MAGI2: variants seen among roughly 807,000 people sequenced by gnomAD.
MAGI2 encodes the protein membrane-associated guanylate kinase, WW and PDZ domain-containing protein 2.
A neutral mutation model predicts 133.3 loss-of-function variants in MAGI2; 35 were observed. The observed-to-expected ratio is 0.26, with a 90% CI of 0.20 to 0.35. The LOEUF (loss-of-function observed/expected upper bound fraction) is 0.35, where lower values mean the gene tolerates loss of function less well. Among genes scored for constraint, MAGI2 ranks in the 10% least tolerant of loss-of-function variants. The pLI, the probability that MAGI2 is intolerant of heterozygous loss-of-function variation, is 1.00. For synonymous variants in MAGI2, 729 were observed against 710.6 expected (o/e 1.03, Z -0.41); for missense variants, 1,636 against 1,863.4 (o/e 0.88, Z 2.25).
intron 2 of MAGI2, among the ~76,000 whole-genome samples, chr7:78,680,908 C>A (rs1277763245): frequency 6.6e-6 from 1 of 152,028 alleles, no homozygotes; most frequent in African/African-American, 2.4e-5. Flanking sequence ...GAGGCTCATG[C>A]TTAGAGGGTG....
intron 2 of MAGI2, among the ~76,000 whole-genome samples, chr7:78,844,835 A>C (rs988219099): frequency 1.2e-4 from 14 of 113,926 alleles, no homozygotes; most frequent in African/African-American, 3.4e-4. Flanking sequence ...AAAAATAAAC[A>C]AAAAAAATCC....
intron 2 of MAGI2, among the ~76,000 whole-genome samples, chr7:78,663,954 T>C (rs1461524386): frequency 6.6e-6 from 1 of 152,194 alleles, no homozygotes; most frequent in Admixed American, 6.5e-5. Flanking sequence ...CATTGCAACA[T>C]TTTTTTGACA....
chr7:78,395,456 C>T (rs1432040395), intron 6 of MAGI2, among the ~76,000 whole-genome samples: 1 of 152,170 alleles, frequency 6.6e-6, no homozygotes, highest in East Asian at 1.9e-4. Context: ...CCTTTGTCTT[C>T]ATCATCCAGC....
At chr7:78,898,003 A>G (rs1797340066) in intron 2 of MAGI2, among the ~76,000 whole-genome samples, 1 of 152,190 alleles carries the variant, frequency 6.6e-6, no homozygotes, top group African/African-American at 2.4e-5. Flanking sequence ...AAAAATAACA[A>G]AGAACCCTAT....
At chr7:78,246,898 G>T (rs1410597804) in intron 10 of MAGI2, among the ~76,000 whole-genome samples, 1 of 152,168 alleles carries the variant, frequency 6.6e-6, no homozygotes, top group Non-Finnish European at 1.5e-5. Context: ...CTGGCCCCCT[G>T]GGCCTAAGCT....
chr7:78,256,454 CAAA>C lies in MAGI2; in HGVS notation c.1533_1535del (p.Leu512del). 6.2e-7 allele frequency: 1 copy of C among 1,613,808 alleles called. No homozygotes were observed. The highest frequency in any genetic ancestry group is 8.5e-7 in the Non-Finnish European group (1 of 1,179,940). On this transcript the variant is annotated inframe_deletion, in exon 10 of 22. Coordinates refer to ENST00000354212, the MANE Select transcript of MAGI2 (RefSeq NM_012301.4). ...TAGCAGGGTCTTCAGGATCAAAGGG[CAAA>C]GGGTAGCCACGACACAACACCAGGT...
intron 2 of MAGI2, among the ~76,000 whole-genome samples, chr7:78,840,318 C>T (rs1330154141): frequency 6.6e-6 from 1 of 152,046 alleles, no homozygotes; most frequent in Non-Finnish European, 1.5e-5. Flanking sequence ...CAAAGGAATA[C>T]TCATACAATA....
chr7:79,348,288 A>G (rs1357249297), intron 1 of MAGI2, among the ~76,000 whole-genome samples: 1 of 151,942 alleles, frequency 6.6e-6, no homozygotes, highest in Non-Finnish European at 1.5e-5. Flanking sequence ...AAAGAAAATT[A>G]CAGTGGTATT....
chr7:79,015,226 A>G (rs1054814016), intron 1 of MAGI2, among the ~76,000 whole-genome samples: 3 of 152,118 alleles, frequency 2.0e-5, no homozygotes, highest in Non-Finnish European at 2.9e-5. Flanking sequence ...AGGCTGAGGC[A>G]GGAGGATCAC....
chr7:79,180,076 CAA>C (rs1436833594), intron 1 of MAGI2, among the ~76,000 whole-genome samples: 4 of 151,884 alleles, frequency 2.6e-5, no homozygotes, highest in African/African-American at 9.7e-5. Flanking sequence ...AGATGAAAGA[CAA>C]ATAGCCCCAT....
At chr7:78,447,465 G>A (rs1261392166) in intron 6 of MAGI2, among the ~76,000 whole-genome samples, 1 of 151,954 alleles carries the variant, frequency 6.6e-6, no homozygotes, top group Non-Finnish European at 1.5e-5. Context: ...AATTATCTGG[G>A]ATAATGTCTA....
At chr7:78,117,371 AACC>A (rs1819974288) in intron 20 of MAGI2, among the ~76,000 whole-genome samples, 1 of 152,206 alleles carries the variant, frequency 6.6e-6, no homozygotes, top group African/African-American at 2.4e-5. Flanking sequence ...AGAGTAATTG[AACC>A]ATAAAAATCC....
At chr7:78,244,565 T>C (rs1220266684) in intron 10 of MAGI2, among the ~76,000 whole-genome samples, 1 of 152,228 alleles carries the variant, frequency 6.6e-6, no homozygotes, top group Non-Finnish European at 1.5e-5. Context: ...GTATATTGAT[T>C]GCTTTTAAGA....
At chr7:78,041,702 CCAAAA>C (rs754125358) in intron 21 of MAGI2, among the ~76,000 whole-genome samples, 24 of 152,248 alleles carry the variant, frequency 1.6e-4, no homozygotes, top group Admixed American at 2.6e-4. Context: ...CAAAACAAAA[CCAAAA>C]CAAAAGGCTG....
intron 21 of MAGI2, among the ~76,000 whole-genome samples, chr7:78,026,769 TGAATAAGA>T (rs1332613370): frequency 6.6e-6 from 1 of 152,174 alleles, no homozygotes; most frequent in Non-Finnish European, 1.5e-5. Flanking sequence ...CCGAAAGCCA[TGAATAAGA>T]GTTCCTACAT....
chr7:78,566,724 T>C (rs1221063719), intron 3 of MAGI2, among the ~76,000 whole-genome samples: 4 of 152,198 alleles, frequency 2.6e-5, no homozygotes, highest in African/African-American at 9.7e-5. Flanking sequence ...GATAACTTAC[T>C]CTTTTCAATC....
intron 2 of MAGI2, among the ~76,000 whole-genome samples, chr7:78,878,703 A>C (rs993405044): frequency 2.0e-5 from 3 of 152,242 alleles, no homozygotes; most frequent in African/African-American, 7.2e-5. Flanking sequence ...TTTTGGTTAT[A>C]CATTAACAGA....
intron 9 of MAGI2, among the ~76,000 whole-genome samples, chr7:78,267,707 C>T (rs933093920): frequency 2.6e-5 from 4 of 152,156 alleles, no homozygotes; most frequent in Non-Finnish European, 4.4e-5. Context: ...TTTTATCAGA[C>T]ATCTACTACT....
intron 14 of MAGI2, among the ~76,000 whole-genome samples, chr7:78,169,725 C>G (rs1278428347): frequency 1.3e-5 from 2 of 152,176 alleles, no homozygotes; most frequent in Non-Finnish European, 2.9e-5. Flanking sequence ...AGTGTTCTGA[C>G]AAATGATTCA....
Sources: allele counts gnomAD v4.1 joint callset (sites outside exome capture counted in the v4.1 genomes callset), GRCh38; gene constraint gnomAD v4.1.1; transcripts MANE v1.5; gene names NCBI Gene and HGNC (gene_info 2026-07-23, HGNC 2026-07-21).